The following ELOVL2 variants were observed in gnomAD, a reference collection of about 807,000 sequenced individuals.
ELOVL2 encodes very long chain fatty acid elongase 2.
In ELOVL2, 38 loss-of-function variants were observed where a neutral mutation model predicts 37.7. The ratio of observed to expected loss-of-function variants is 1.01; its 90% confidence interval spans 0.78 to 1.32. The LOEUF (loss-of-function observed/expected upper bound fraction) is 1.32, where lower values mean the gene tolerates loss of function less well. Ranked by LOEUF, ELOVL2 falls within the 40% of genes most tolerant of loss-of-function variation. ELOVL2 has a pLI of 0.00. For missense variants in ELOVL2, 352 were observed against 363.6 expected, an observed-to-expected ratio of 0.97 and a Z score of 0.26; for synonymous variants, 115 against 122.3, an observed-to-expected ratio of 0.94 and a Z score of 0.40.
At position 11,010,248 on chromosome 6, in the gene ELOVL2, T is replaced by C. The variant is rs186843956; in HGVS notation, c.67+498A>G. Among the ~76,000 whole-genome samples the C allele has an allele frequency of 4.1e-4, 62 of 152,022 alleles. No individual in the cohort carries two copies. In the East Asian group the frequency reaches 0.011, roughly 28 times the overall value. On this transcript the variant is annotated intron_variant, in intron 2 of 7. Transcript: ENST00000354666. The stretch of plus-strand genomic sequence containing the variant: ...CATGTTGGTCAGGCTGGTCTTGAAC[T>C]CCTGACCTCATGATCCGCCCACCTC...
chr6:11,042,077 G>C (rs150205385), intron 1 of ELOVL2, among the ~76,000 whole-genome samples: 1 of 152,100 alleles, frequency 6.6e-6, no homozygotes, highest in African/African-American at 2.4e-5. Flanking sequence ...TTGGGAAGCC[G>C]AGGTGGGTGT....
Position 11,025,687 on chromosome 6 carries a change from A to G in ELOVL2, c.4-14878T>C, listed in dbSNP as rs550168635. ...TAAGAGATTACCAAATTTTCTTTAAAAAGTTTATGGATCAATGTCTTCCCT... is the reference window on the plus strand; with the variant it reads ...TAAGAGATTACCAAATTTTCTTTAAGAAGTTTATGGATCAATGTCTTCCCT... On this transcript the variant is annotated intron_variant, in intron 1 of 7. Coordinates refer to ENST00000354666, the MANE Select transcript of ELOVL2 (RefSeq NM_017770.4). Among the ~76,000 whole-genome samples, 7 of 152,330 alleles carry G rather than the reference A, an allele frequency of 4.6e-5. No homozygotes were observed. In the East Asian group the frequency reaches 1.3e-3, roughly 29 times the overall value.
chr6:11,023,737 C>T (rs1231068928), intron 1 of ELOVL2, among the ~76,000 whole-genome samples: 1 of 152,102 alleles, frequency 6.6e-6, no homozygotes, highest in East Asian at 1.9e-4. Flanking sequence ...GGTGAGCTGC[C>T]CTTGACTGCA....
chr6:11,016,389 A>T (rs974356084), intron 1 of ELOVL2, among the ~76,000 whole-genome samples: 25 of 152,220 alleles, frequency 1.6e-4, no homozygotes, highest in African/African-American at 5.1e-4. Context: ...AACCATTAAG[A>T]TCACAAAACA....
chr6:11,003,271 A>G (rs745375258), intron 3 of ELOVL2, among the ~76,000 whole-genome samples: 2 of 152,146 alleles, frequency 1.3e-5, no homozygotes, highest in African/African-American at 2.4e-5. Context: ...CCCCACATGC[A>G]TTAGGTATTT....
intron 2 of ELOVL2, among the ~76,000 whole-genome samples, chr6:11,009,992 T>C (rs1205095166): frequency 1.3e-5 from 2 of 150,782 alleles, no homozygotes; most frequent in Admixed American, 1.3e-4. Context: ...TCATCCTACC[T>C]ACGGGCCCCG....
chr6:11,035,586 C>T (rs1782994012), intron 1 of ELOVL2, among the ~76,000 whole-genome samples: 1 of 152,206 alleles, frequency 6.6e-6, no homozygotes, highest in African/African-American at 2.4e-5. Flanking sequence ...TACCAGCCAC[C>T]TCTTGGTCCT....
In ELOVL2 at chr6:10,981,507, A is replaced by C. The variant is rs549769938; in HGVS notation, c.*2274T>G. Reference sequence around the variant, plus strand: ...TCTTGAATTGAAGACCAAATTGGAAATACACATCATGAATGAAACCTCTCT... The same window carrying C: ...TCTTGAATTGAAGACCAAATTGGAACTACACATCATGAATGAAACCTCTCT... On this transcript the variant is annotated 3_prime_UTR_variant, in exon 8 of 8. Transcript: ENST00000354666. The C allele has an allele frequency of 1.5e-3, 228 of 152,784 alleles. 1 individual carries two copies. The highest frequency in any genetic ancestry group is 5.1e-3 in the African/African-American group (210 of 41,584). The allele number at this position is 152,784 out of a possible 1,614,324, so 9.5% of individuals were successfully genotyped here.
In ELOVL2 at chr6:10,989,792, T is replaced by A. The variant is rs552219818; in HGVS notation, c.676A>T (p.Lys226Ter). ...CAACCGAAGGGGAAGCCACACGGTT[T>A]CACGACGGCGCTCATGGTGTGCGTG... ...TITHTMSAVVKPCGFPFGCLI... is the reference protein window; with the variant it reads ...TITHTMSAVV Residue 226 changes from lysine (K) to a stop codon, truncating the protein, a stop_gained, in exon 7 of 8, where the codon AAA (lysine) becomes TAA (stop). Transcript: ENST00000354666. LOFTEE classifies it high-confidence loss of function. 1.2e-6 allele frequency: 2 copies of A among 1,614,184 alleles called. No individual in the cohort carries two copies. Among genetic ancestry groups the A allele is most frequent in the East Asian group, 4.5e-5 (2 of 44,882 alleles).
intron 4 of ELOVL2, among the ~76,000 whole-genome samples, chr6:10,996,715 C>T (rs945814285): frequency 6.7e-6 from 1 of 150,016 alleles, no homozygotes; most frequent in Non-Finnish European, 1.5e-5. Context: ...TGGAGGCTCA[C>T]GCCTGTAATC....
intron 7 of ELOVL2, among the ~76,000 whole-genome samples, chr6:10,989,109 A>G (rs1782099054): frequency 6.6e-6 from 1 of 152,220 alleles, no homozygotes; most frequent in South Asian, 2.1e-4. Context: ...GTACAAATAC[A>G]TACTGCAAAT....
chr6:11,029,510 C>T (rs968543102), intron 1 of ELOVL2, among the ~76,000 whole-genome samples: 1 of 152,190 alleles, frequency 6.6e-6, no homozygotes, highest in African/African-American at 2.4e-5. Context: ...ATTCAGTGTT[C>T]TGCATTTTCA....
intron 1 of ELOVL2, among the ~76,000 whole-genome samples, chr6:11,018,723 G>T (rs1782720526): frequency 6.6e-6 from 1 of 152,270 alleles, no homozygotes; most frequent in South Asian, 2.1e-4. Context: ...AATTGGTTTA[G>T]ATTATAATTA....
At chr6:11,035,110 T>C (rs1242607958) in intron 1 of ELOVL2, among the ~76,000 whole-genome samples, 2 of 152,234 alleles carry the variant, frequency 1.3e-5, no homozygotes, top group African/African-American at 4.8e-5. Flanking sequence ...GCTCAGAGTA[T>C]AGTGTTCCAT....
intron 1 of ELOVL2, among the ~76,000 whole-genome samples, chr6:11,018,869 A>C (rs924797760): frequency 6.6e-6 from 1 of 152,188 alleles, no homozygotes; most frequent in Non-Finnish European, 1.5e-5. Flanking sequence ...ATAACCATTA[A>C]TTTCAAAGCA....
chr6:11,041,256 G>A (rs9461437), intron 1 of ELOVL2, among the ~76,000 whole-genome samples: 3,775 of 152,122 alleles, frequency 0.025, 149 homozygotes, highest in African/African-American at 0.084. Flanking sequence ...ACCCTGAATA[G>A]CAGGGCCCTG....
Position 10,985,779 on chromosome 6 carries a change from C to T in ELOVL2, c.766-1873G>A, listed in dbSNP as rs9468173. On this transcript the variant is annotated intron_variant, in intron 7 of 7. Coordinates refer to ENST00000354666, the MANE Select transcript of ELOVL2 (RefSeq NM_017770.4). ...TGTAGTATAGTTTGAAGTCAGGTAG[C>T]GTGATGCCTCCAACTTTGTTCTTTT... Among the ~76,000 whole-genome samples, 839 of 152,112 alleles carry T rather than the reference C, an allele frequency of 5.5e-3. 5 individuals carry two copies. The highest frequency in any genetic ancestry group is 0.018 in the African/African-American group (760 of 41,474).
chr6:10,985,559 T>C lies in ELOVL2; in HGVS notation c.766-1653A>G, dbSNP rs368032626. 3.3e-5 allele frequency among the ~76,000 whole-genome samples: 5 copies of C among 151,484 alleles called. No individual in the cohort carries two copies. In the East Asian group the frequency reaches 7.8e-4, roughly 24 times the overall value. ...AAGGAAGGATCCAGTTTCAGCTTTC[T>C]ACATATGGCTAGCCAGTTTTCCCAG... On this transcript the variant is annotated intron_variant, in intron 7 of 7. Transcript: ENST00000354666.
chr6:10,985,121 T>C (rs1782023615), intron 7 of ELOVL2, among the ~76,000 whole-genome samples: 1 of 152,224 alleles, frequency 6.6e-6, no homozygotes, highest in African/African-American at 2.4e-5. Context: ...CCAGTGATGG[T>C]GAGCATTTTT....
Sources: gnomAD v4.1 joint callset for allele counts (sites outside exome capture counted in the v4.1 genomes callset) on GRCh38, gnomAD v4.1.1 for gene constraint, MANE v1.5 for transcripts, NCBI Gene and HGNC (gene_info 2026-07-23, HGNC 2026-07-21) for gene names.